LIPA: variants seen among roughly 807,000 people sequenced by gnomAD.
The protein encoded by LIPA is lysosomal acid lipase/cholesteryl ester hydrolase.
LIPA carries 26 observed loss-of-function variants against 40.6 expected under a neutral mutation model. That is an observed-to-expected ratio of 0.64 (90% CI 0.47 to 0.89). LIPA has a LOEUF of 0.89. Among genes scored for constraint, LIPA ranks in the 40% least tolerant of loss-of-function variants. LIPA has a pLI of 0.00. For synonymous variants in LIPA, 188 were observed against 168.4 expected (o/e 1.12, Z -0.90); for missense variants, 455 against 479.6 (o/e 0.95, Z 0.48).
intron 2 of LIPA, among the ~76,000 whole-genome samples, chr10:89,380,047 A>C (rs958083429): frequency 1.3e-5 from 2 of 152,090 alleles, no homozygotes; most frequent in Admixed American, 6.5e-5. Context: ...AAAAAAAAAA[A>C]AACAAAAGGT....
intron 3 of LIPA, among the ~76,000 whole-genome samples, chr10:89,238,455 AG>A (rs1842930858): frequency 6.6e-6 from 1 of 152,224 alleles, no homozygotes; most frequent in East Asian, 1.9e-4. Context: ...AAATGATGGA[AG>A]AATTGCTATT....
At chr10:89,304,645 A>G (rs1843466673) in intron 1 of LIPA, among the ~76,000 whole-genome samples, 2 of 152,352 alleles carry the variant, frequency 1.3e-5, no homozygotes, top group African/African-American at 4.8e-5. Flanking sequence ...AGAGACTCCA[A>G]TACACAGACA....
At chr10:89,376,489 G>A (rs1589625803) in intron 2 of LIPA, among the ~76,000 whole-genome samples, 1 of 152,092 alleles carries the variant, frequency 6.6e-6, no homozygotes, top group Admixed American at 6.6e-5. Flanking sequence ...CTTTAGAAAG[G>A]TCAGGAGCAG....
At chr10:89,411,215 C>T (rs1356406607) in intron 2 of LIPA, among the ~76,000 whole-genome samples, 1 of 151,890 alleles carries the variant, frequency 6.6e-6, no homozygotes, top group Non-Finnish European at 1.5e-5. Context: ...AATTCCCATA[C>T]AAAGGTCTGA....
intron 2 of LIPA, among the ~76,000 whole-genome samples, chr10:89,360,538 G>C (rs949771792): frequency 2.0e-5 from 3 of 152,194 alleles, no homozygotes. Context: ...GTACATGTGA[G>C]GCTAAGAGTG....
chr10:89,228,631 C>T (rs1339450399), intron 3 of LIPA, among the ~76,000 whole-genome samples: 1 of 152,162 alleles, frequency 6.6e-6, no homozygotes, highest in Admixed American at 6.5e-5. Context: ...ACTAACAAGA[C>T]ACACTTATGT....
At chr10:89,389,780 G>T (rs1844232524) in intron 2 of LIPA, among the ~76,000 whole-genome samples, 1 of 152,142 alleles carries the variant, frequency 6.6e-6, no homozygotes. Flanking sequence ...TACCCATTGT[G>T]TAGGTGAGGA....
intron 1 of LIPA, among the ~76,000 whole-genome samples, chr10:89,317,365 G>A (rs1843546829): frequency 6.6e-6 from 1 of 152,212 alleles, no homozygotes; most frequent in Non-Finnish European, 1.5e-5. Context: ...GCGTAGAGAA[G>A]ACCTTAAATG....
At chr10:89,329,836 C>A (rs1843632944) in intron 1 of LIPA, among the ~76,000 whole-genome samples, 1 of 152,076 alleles carries the variant, frequency 6.6e-6, no homozygotes, top group Non-Finnish European at 1.5e-5. Flanking sequence ...TTTATTTCAC[C>A]TGGGTGCAGG....
chr10:89,283,150 G>A (rs896740212), intron 1 of LIPA, among the ~76,000 whole-genome samples: 1 of 152,212 alleles, frequency 6.6e-6, no homozygotes, highest in Non-Finnish European at 1.5e-5. Context: ...TAAACAGACT[G>A]TAACCTACTC....
rs1564799910 is a variant in LIPA at position 89,362,708 on chromosome 10, T to C, written c.61+50083A>G. 5 of 704,840 alleles carry C rather than the reference T, an allele frequency of 7.1e-6. No homozygotes were observed. The East Asian group carries it at 1.3e-4, about 18-fold the overall frequency. The allele number at this position is 704,840 out of a possible 1,614,324, so 43.7% of individuals were successfully genotyped here. On this transcript the variant is annotated intron_variant, in intron 2 of 8. Coordinates refer to the LIPA transcript ENST00000371837. ...AGAAGTTTGCAAATGCTTCCCGCTA[T>C]AGAATGGAGTGTCCTGAGATGAACT... is the stretch of plus-strand genomic sequence containing the variant.
intron 1 of LIPA, among the ~76,000 whole-genome samples, chr10:89,291,748 A>T (rs1298803008): frequency 6.6e-6 from 1 of 152,244 alleles, no homozygotes; most frequent in East Asian, 1.9e-4. Context: ...GGGCCAGAGC[A>T]GGATACTGTT....
intron 2 of LIPA, among the ~76,000 whole-genome samples, chr10:89,376,490 T>TTATAA (rs1844122701): frequency 6.6e-6 from 1 of 152,112 alleles, no homozygotes; most frequent in Admixed American, 6.6e-5. Context: ...TTTAGAAAGG[T>TTATAA]CAGGAGCAGT....
At chr10:89,242,828 G>A (rs537017068) in intron 3 of LIPA, among the ~76,000 whole-genome samples, 4 of 152,140 alleles carry the variant, frequency 2.6e-5, no homozygotes, top group Admixed American at 6.5e-5. Context: ...CTTTCTGTTA[G>A]TATACGAGGA....
chr10:89,324,270 A>G (rs1030801254), intron 1 of LIPA, among the ~76,000 whole-genome samples: 1 of 152,238 alleles, frequency 6.6e-6, no homozygotes, highest in African/African-American at 2.4e-5. Context: ...AAGAACAAGC[A>G]ATGGGGAAAT....
chr10:89,382,981 C>T (rs1480222670), intron 2 of LIPA, among the ~76,000 whole-genome samples: 2 of 152,238 alleles, frequency 1.3e-5, no homozygotes, highest in African/African-American at 4.8e-5. Context: ...TAGTCATGGA[C>T]TGCAAAGTCA....
At chr10:89,351,576 A>T (rs1387415660) in intron 2 of LIPA, among the ~76,000 whole-genome samples, 4 of 152,218 alleles carry the variant, frequency 2.6e-5, no homozygotes, top group African/African-American at 7.2e-5. Flanking sequence ...AAACCACCTA[A>T]CAACAGGCAG....
intron 2 of LIPA, chr10:89,362,930 T>G (rs1844032043): frequency 3.7e-6 from 1 of 270,208 alleles, no homozygotes; most frequent in Admixed American, 4.5e-5. Context: ...TAAAATGGGC[T>G]GTCAGTCTAA....
intron 2 of LIPA, among the ~76,000 whole-genome samples, chr10:89,352,638 C>G (rs1043403325): frequency 1.3e-5 from 2 of 151,970 alleles, no homozygotes; most frequent in Non-Finnish European, 2.9e-5. Flanking sequence ...AAAGACCATG[C>G]CATTGTGGTA....
Sources: gnomAD v4.1 joint callset for allele counts (sites outside exome capture counted in the v4.1 genomes callset) on GRCh38, gnomAD v4.1.1 for gene constraint, MANE v1.5 for transcripts, NCBI Gene and HGNC (gene_info 2026-07-23, HGNC 2026-07-21) for gene names.